Variants in HTR3C observed in about 807,000 individuals in gnomAD.
The protein encoded by HTR3C is 5-HT3-C.
Under a neutral mutation model 40.5 loss-of-function variants are expected in HTR3C, and 32 were observed. That is an observed-to-expected ratio of 0.79 (90% CI 0.60 to 1.06). The LOEUF (loss-of-function observed/expected upper bound fraction) is 1.06, where lower values mean the gene tolerates loss of function less well. HTR3C is among the 50% of genes least tolerant of loss of function. The probability of loss-of-function intolerance (pLI) is 0.00; values close to 1 mark genes in which losing one functional copy is unlikely to be tolerated. For synonymous variants in HTR3C, 209 were observed against 217.1 expected (o/e 0.96, Z 0.33); for missense variants, 523 against 556.8 (o/e 0.94, Z 0.61).
rs756672085 is a variant in HTR3C at position 184,054,766 on chromosome 3, A to G, written c.113A>G (p.His38Arg). 2 of 1,613,072 alleles carry G rather than the reference A, an allele frequency of 1.2e-6. No homozygotes were observed. The highest frequency in any genetic ancestry group is 1.1e-5 in the South Asian group (1 of 90,964). The part of the protein sequence containing the change: ...FTINCSGFDQ[H>R]GVDPAVFQAV... Reference sequence around the variant, plus strand: ...ATCAATTGCTCAGGCTTTGACCAGCATGGGGTTGACCCTGCTGTCTTCCAA... The same window carrying G: ...ATCAATTGCTCAGGCTTTGACCAGCGTGGGGTTGACCCTGCTGTCTTCCAA... The change falls in exon 2 of 9, where the codon CAT becomes CGT. Residue 38 changes from histidine (H) to arginine (R), a missense_variant. By Grantham distance (29) the His-to-Arg change is conservative. Transcript: ENST00000318351.
intron 6 of HTR3C, among the ~76,000 whole-genome samples, 175 bp from the exon 7 acceptor site, chr3:184,059,261 A>C (rs1387310809): frequency 1.3e-5 from 2 of 152,226 alleles, no homozygotes; most frequent in Admixed American, 1.3e-4. Flanking sequence ...ATGAATAAAA[A>C]TTAGACAACA....
intron 3 of HTR3C, 120 bp downstream of exon 3, chr3:184,055,476 G>A: frequency 1.4e-6 from 1 of 735,822 alleles, no homozygotes; most frequent in South Asian, 1.5e-5. Context: ...CACTTTGGGA[G>A]GCCAAGGCAG....
Position 184,057,060 on chromosome 3 carries a change from T to A in HTR3C, c.559+16T>A, listed in dbSNP as rs766222246. The stretch of plus-strand genomic sequence containing the variant: ...CTCTACACAGGTAAGTGTGACACAT[T>A]TTGGTAGCTGTTTAAGATTCAGGGA... On this transcript the variant is annotated intron_variant, in intron 5 of 8. Transcript: ENST00000318351. The A allele has an allele frequency of 6.4e-7, 1 of 1,560,798 alleles. No individual in the cohort carries two copies. Among genetic ancestry groups the A allele is most frequent in the Non-Finnish European group, 8.7e-7 (1 of 1,151,850 alleles).
intron 4 of HTR3C, 61 bp from the exon 5 acceptor site, chr3:184,056,814 C>T: frequency 6.8e-7 from 1 of 1,465,402 alleles, no homozygotes; most frequent in Non-Finnish European, 9.2e-7. Context: ...GGGGAGACCC[C>T]AGAAGGAAGG....
chr3:184,058,801 T>TA (rs1196532270), intron 6 of HTR3C, among the ~76,000 whole-genome samples: 6 of 151,522 alleles, frequency 4.0e-5, no homozygotes, highest in African/African-American at 1.2e-4. Flanking sequence ...CGTCTCTAAT[T>TA]TAAAAAACAC....
Position 184,056,911 on chromosome 3 carries a change from C to T in HTR3C, c.426C>T (p.Ala142=), listed in dbSNP as rs1723338024. The change falls in exon 5 of 9, where the codon GCC becomes GCT. Residue 142 remains alanine (A), a synonymous_variant. Coordinates refer to ENST00000318351, the MANE Select transcript of HTR3C (RefSeq NM_130770.3). Reference sequence around the variant, plus strand: ...ATCAGACGCCTTCCGGTCTCACTGCCTATATCAGCAGTGAAGGTCGAATTA... The same window carrying T: ...ATCAGACGCCTTCCGGTCTCACTGCTTATATCAGCAGTGAAGGTCGAATTA... ...DVDQTPSGLT[A]YISSEGRIKY... The T allele has an allele frequency of 6.2e-7, 1 of 1,613,346 alleles. No homozygotes were observed. Among genetic ancestry groups the T allele is most frequent in the Non-Finnish European group, 8.5e-7 (1 of 1,179,452 alleles).
At chr3:184,059,290 A>G in intron 6 of HTR3C, 146 bp from the exon 7 acceptor site, 1 of 668,400 alleles carries the variant, frequency 1.5e-6, no homozygotes. Context: ...GCCCCTATGT[A>G]GGCGAGCACA....
chr3:184,054,708 C>T lies in HTR3C; in HGVS notation c.68-13C>T. ...ATAGAGTCCCTCTCTCACGGAGTCT[C>T]TGCTCTCTATAGGAAGAGGCGACGC... On this transcript the variant is annotated splice_polypyrimidine_tract_variant and intron_variant, in intron 1 of 8. Transcript: ENST00000318351. 1 of 1,562,700 alleles carries T rather than the reference C, an allele frequency of 6.4e-7. No homozygotes were observed. The highest frequency in any genetic ancestry group is 8.6e-7 in the Non-Finnish European group (1 of 1,157,038).
At position 184,060,393 on chromosome 3, in the gene HTR3C, T is replaced by G; in HGVS notation, c.*41T>G. On this transcript the variant is annotated 3_prime_UTR_variant, in exon 9 of 9. Coordinates refer to ENST00000318351, the MANE Select transcript of HTR3C (RefSeq NM_130770.3). Reference sequence around the variant, plus strand: ...CTCTGGCAAACAACAGCTTGGAGTTTCTGCTGGTCTTGGGCCAGCCGGACT... The same window carrying G: ...CTCTGGCAAACAACAGCTTGGAGTTGCTGCTGGTCTTGGGCCAGCCGGACT... The G allele has an allele frequency of 6.2e-7, 1 of 1,612,858 alleles. No individual in the cohort carries two copies. Among genetic ancestry groups the G allele is most frequent in the Non-Finnish European group, 8.5e-7 (1 of 1,178,860 alleles).
intron 1 of HTR3C, among the ~76,000 whole-genome samples, chr3:184,053,557 G>T (rs1723265052): frequency 6.6e-6 from 1 of 152,168 alleles, no homozygotes; most frequent in Non-Finnish European, 1.5e-5. Context: ...TTGCTTCCAT[G>T]AGGTAATATT....
chr3:184,058,571 A>AGG lies in HTR3C; in HGVS notation c.704_705insGG (p.Asp235GlufsTer19), dbSNP rs1280689184. On this transcript the variant is annotated frameshift_variant, in exon 6 of 9. Coordinates refer to ENST00000318351, the MANE Select transcript of HTR3C (RefSeq NM_130770.3). LOFTEE classifies it high-confidence loss of function. ...ATGTCCATGGGCAACAACCTATATG[A>AGG]CCAGATCATGTTTTATGTGAGTCCA... 1.9e-6 allele frequency: 3 copies of AGG among 1,611,874 alleles called. No homozygotes were observed. Among genetic ancestry groups the AGG allele is most frequent in the Non-Finnish European group, 2.5e-6 (3 of 1,179,262 alleles).
At chr3:184,053,627 G>A (rs1723266687) in intron 1 of HTR3C, among the ~76,000 whole-genome samples, 1 of 152,174 alleles carries the variant, frequency 6.6e-6, no homozygotes, top group African/African-American at 2.4e-5. Context: ...TAGAGAGAAG[G>A]AGGCAGAGAA....
At chr3:184,058,350 A>G in intron 5 of HTR3C, 77 bp from the exon 6 acceptor site, 1 of 1,426,734 alleles carries the variant, frequency 7.0e-7, no homozygotes, top group South Asian at 1.6e-5. Flanking sequence ...TTAGAAGCTC[A>G]GTGGGGGAGG....
Position 184,054,642 on chromosome 3 carries a change from C to G in HTR3C, c.68-79C>G, listed in dbSNP as rs1560080294. 2.4e-6 allele frequency: 3 copies of G among 1,255,678 alleles called. 1 individual carries two copies. The South Asian group carries it at 4.9e-5, about 21-fold the overall frequency. 77.8% of individuals were successfully genotyped at this position (1,255,678 alleles called of 1,614,324 possible). A position where few individuals can be genotyped will look rare whatever the true frequency, so the allele number is the denominator to read the frequency against. ...GGCTCACCTGCTCCTCTCAGTACGTCCCCTATTTTATCTCTCTGCAGAGAG... is the reference window on the plus strand; with the variant it reads ...GGCTCACCTGCTCCTCTCAGTACGTGCCCTATTTTATCTCTCTGCAGAGAG... On this transcript the variant is annotated intron_variant, in intron 1 of 8. Coordinates refer to ENST00000318351, the MANE Select transcript of HTR3C (RefSeq NM_130770.3).
chr3:184,059,655 A>G lies in HTR3C; in HGVS notation c.925+15A>G. 1 of 1,613,252 alleles carries G rather than the reference A, an allele frequency of 6.2e-7. No homozygotes were observed. Among genetic ancestry groups the G allele is most frequent in the South Asian group, 1.1e-5 (1 of 91,062 alleles). ...CCCCCTCATCAGTATGGCTCCTCCCACTTTCAGGAGGAGAAAGGGCACCCG... is the reference window on the plus strand; with the variant it reads ...CCCCCTCATCAGTATGGCTCCTCCCGCTTTCAGGAGGAGAAAGGGCACCCG... On this transcript the variant is annotated intron_variant, in intron 7 of 8. Transcript: ENST00000318351.
rs756398078 is a variant in HTR3C at position 184,056,208 on chromosome 3, CAA to C, written c.314_315del (p.Lys105ArgfsTer7). 3 of 1,613,676 alleles carry C rather than the reference CAA, an allele frequency of 1.9e-6. No homozygotes were observed. The African/African-American group carries it at 4.0e-5, about 22-fold the overall frequency. On this transcript the variant is annotated frameshift_variant, in exon 4 of 9. Coordinates refer to ENST00000318351, the MANE Select transcript of HTR3C (RefSeq NM_130770.3). LOFTEE classifies it high-confidence loss of function. ...GACAATCCTTTCATTAATTGGAACC[CAA>C]AAGAGTGTGTTGGCATCAATAAACT... is the stretch of plus-strand genomic sequence containing the variant.
rs753938420 is a variant in HTR3C, at chr3:184,060,161, C to T, written c.1153C>T (p.Pro385Ser). Residue 385 changes from proline (P) to serine (S), a missense_variant, in exon 9 of 9, where the codon CCG becomes TCG. Transcript: ENST00000318351. ...TGTCCTCTCCACAGGCCCAAAGGAG[C>T]CGGGGGAGTTAGCAGGGAAGAAGCT... ...TLTHLPGPKE[P>S]GELAGKKLGP... 6.2e-7 allele frequency: 1 copy of T among 1,613,924 alleles called. No homozygotes were observed. Among genetic ancestry groups the T allele is most frequent in the Admixed American group, 1.7e-5 (1 of 59,982 alleles).
rs71185686 is a variant in HTR3C, at chr3:184,055,884, C to CAAAAAAAAAAAA, written c.280-275_280-264dup. 5.1e-3 allele frequency among the ~76,000 whole-genome samples: 157 copies of CAAAAAAAAAAAA among 30,710 alleles called. 37 individuals are homozygous for CAAAAAAAAAAAA. Among genetic ancestry groups the CAAAAAAAAAAAA allele is most frequent in the South Asian group, 6.8e-3 (3 of 438 alleles). 20.1% of individuals were successfully genotyped at this position (30,710 alleles called of 152,430 possible). A position where few individuals can be genotyped will look rare whatever the true frequency, so the allele number is the denominator to read the frequency against. ...TCTTAGGAAGGTTGAAATAGCAACTCAAAAAAAAAAAAAAAAAAAAAAAAA... is the reference window on the plus strand; with the variant it reads ...TCTTAGGAAGGTTGAAATAGCAACTCAAAAAAAAAAAAAAAAAAAAAAAAAAAAAAAAAAAAA... On this transcript the variant is annotated intron_variant, in intron 3 of 8. Coordinates refer to ENST00000318351, the MANE Select transcript of HTR3C (RefSeq NM_130770.3).
At chr3:184,057,084 G>GA (rs11432832) in intron 5 of HTR3C, 40 bp downstream of exon 5, 942,017 of 1,485,494 alleles carry the variant, frequency 0.63, 306,487 homozygotes, top group African/African-American at 0.93. Flanking sequence ...AAGATTCAGG[G>GA]AAGACATTTG....
Sources: gnomAD v4.1 joint callset for allele counts (sites outside exome capture counted in the v4.1 genomes callset) on GRCh38, gnomAD v4.1.1 for gene constraint, MANE v1.5 for transcripts, NCBI Gene and HGNC (gene_info 2026-07-23, HGNC 2026-07-21) for gene names.